Variants in PLCL2 observed in about 807,000 individuals in gnomAD.
PLCL2 encodes phospholipase C like 2.
A neutral mutation model predicts 79.6 loss-of-function variants in PLCL2; 4 were observed. The ratio of observed to expected loss-of-function variants is 0.05; its 90% CI spans 0.02 to 0.11. The LOEUF is 0.11. Ranked by LOEUF, PLCL2 falls within the 10% of genes least tolerant of loss-of-function variation. The pLI, the probability that PLCL2 is intolerant of heterozygous loss-of-function variation, is 1.00. For synonymous variants in PLCL2, 484 were observed against 457.7 expected, an observed-to-expected ratio of 1.06 and a Z score of -0.73; for missense variants, 895 against 1,291.0, an observed-to-expected ratio of 0.69 and a Z score of 4.70.
Position 16,892,578 on chromosome 3 carries a change from A to C in PLCL2, c.327+7212A>C, listed in dbSNP as rs561063543. ...ACATGGTATTCATTGGAAGTGCTAT[A>C]AAATTAATAATTAAAAATAAAATAC... is the stretch of plus-strand genomic sequence containing the variant. On this transcript the variant is annotated intron_variant, in intron 1 of 5. Transcript: ENST00000615277. Among the ~76,000 whole-genome samples, 10 of 152,362 alleles carry C rather than the reference A, an allele frequency of 6.6e-5. No homozygotes were observed. The South Asian group carries it at 1.9e-3, about 28-fold the overall frequency.
intron 1 of PLCL2, among the ~76,000 whole-genome samples, chr3:16,989,679 C>T (rs1006043888): frequency 6.6e-6 from 1 of 151,572 alleles, no homozygotes; most frequent in African/African-American, 2.4e-5. Context: ...ATTGTCTCTG[C>T]TTCCTCCCAA....
At chr3:16,906,434 G>A (rs1013643600) in intron 1 of PLCL2, among the ~76,000 whole-genome samples, 2 of 152,096 alleles carry the variant, frequency 1.3e-5, no homozygotes, top group African/African-American at 4.8e-5. Context: ...TTTTGAATTC[G>A]TTAATGTGGA....
intron 5 of PLCL2, among the ~76,000 whole-genome samples, chr3:17,074,228 T>A (rs545922604): frequency 2.6e-5 from 4 of 152,258 alleles, no homozygotes; most frequent in Non-Finnish European, 5.9e-5. Context: ...GAAAGCAATA[T>A]TAATCTCCTT....
intron 1 of PLCL2, among the ~76,000 whole-genome samples, chr3:16,934,161 G>A (rs868712629): frequency 1.3e-5 from 2 of 152,186 alleles, no homozygotes; most frequent in Non-Finnish European, 2.9e-5. Flanking sequence ...AAAAGGTCAT[G>A]CAATGATAGA....
intron 3 of PLCL2, among the ~76,000 whole-genome samples, chr3:17,017,379 A>C (rs2064396342): frequency 6.6e-6 from 1 of 152,190 alleles, no homozygotes; most frequent in Non-Finnish European, 1.5e-5. Flanking sequence ...AAAATATTTA[A>C]AATTAAATTT....
At chr3:17,013,599 A>G (rs1292718228) in intron 2 of PLCL2, among the ~76,000 whole-genome samples, 1 of 152,230 alleles carries the variant, frequency 6.6e-6, no homozygotes, top group Non-Finnish European at 1.5e-5. Context: ...TGATGTCCAT[A>G]TTTAAAGCAA....
chr3:16,896,485 G>T (rs1208774795), intron 1 of PLCL2, among the ~76,000 whole-genome samples: 1 of 152,186 alleles, frequency 6.6e-6, no homozygotes, highest in Admixed American at 6.5e-5. Context: ...TTTATGATTT[G>T]TTTAGTGTAG....
At chr3:16,907,521 C>G (rs1309519707) in intron 1 of PLCL2, among the ~76,000 whole-genome samples, 1 of 152,198 alleles carries the variant, frequency 6.6e-6, no homozygotes, top group East Asian at 1.9e-4. Flanking sequence ...TTTGTTAACT[C>G]TGTGCTAAGG....
intron 5 of PLCL2, among the ~76,000 whole-genome samples, chr3:17,082,734 G>A (rs1055297386): frequency 6.6e-6 from 1 of 152,068 alleles, no homozygotes; most frequent in Non-Finnish European, 1.5e-5. Context: ...TAAATACCCT[G>A]TCATCATGTG....
chr3:17,045,352 A>G (rs548004507), intron 4 of PLCL2, among the ~76,000 whole-genome samples: 3 of 152,316 alleles, frequency 2.0e-5, no homozygotes, highest in South Asian at 4.1e-4. Flanking sequence ...TCCACCCCCA[A>G]ACACATGTTA....
chr3:16,902,044 G>T (rs567001517), intron 1 of PLCL2, among the ~76,000 whole-genome samples: 2 of 152,110 alleles, frequency 1.3e-5, no homozygotes, highest in Non-Finnish European at 2.9e-5. Context: ...GCTCAGATTT[G>T]CCCTCTGAGC....
intron 1 of PLCL2, among the ~76,000 whole-genome samples, chr3:16,930,554 G>T (rs1415594390): frequency 6.6e-6 from 1 of 152,124 alleles, no homozygotes; most frequent in Non-Finnish European, 1.5e-5. Context: ...AACTCCTAGG[G>T]TTTTACCACA....
intron 1 of PLCL2, among the ~76,000 whole-genome samples, chr3:16,951,506 A>G (rs1455790677): frequency 6.6e-6 from 1 of 151,498 alleles, no homozygotes; most frequent in Admixed American, 6.6e-5. Context: ...CTGTTTCTTG[A>G]TTTCTCATTC....
intron 1 of PLCL2, among the ~76,000 whole-genome samples, chr3:16,934,995 T>G (rs1304881313): frequency 6.6e-6 from 1 of 152,264 alleles, no homozygotes; most frequent in Non-Finnish European, 1.5e-5. Flanking sequence ...ATTTCAATAA[T>G]GTAGTCAAAT....
chr3:16,897,475 C>T (rs969151758), intron 1 of PLCL2, among the ~76,000 whole-genome samples: 1 of 152,042 alleles, frequency 6.6e-6, no homozygotes, highest in Non-Finnish European at 1.5e-5. Context: ...GAAGGAGGAG[C>T]CTCCCTAGGA....
At chr3:16,927,100 T>G (rs1308677164) in intron 1 of PLCL2, among the ~76,000 whole-genome samples, 1 of 152,198 alleles carries the variant, frequency 6.6e-6, no homozygotes, top group Non-Finnish European at 1.5e-5. Context: ...ACAGACTAAT[T>G]TTTTTTATAG....
intron 1 of PLCL2, among the ~76,000 whole-genome samples, chr3:17,006,134 T>G (rs1242885640): frequency 2.6e-5 from 4 of 152,194 alleles, no homozygotes; most frequent in Non-Finnish European, 5.9e-5. Flanking sequence ...ATTATTTAGT[T>G]TAAACTAACT....
At chr3:17,060,360 CAT>C (rs1471245160) in intron 4 of PLCL2, among the ~76,000 whole-genome samples, 1 of 152,152 alleles carries the variant, frequency 6.6e-6, no homozygotes, top group African/African-American at 2.4e-5. Context: ...TTTTCCATCT[CAT>C]GTGGAATGGG....
At chr3:16,893,477 G>A (rs918111481) in intron 1 of PLCL2, among the ~76,000 whole-genome samples, 1 of 152,090 alleles carries the variant, frequency 6.6e-6, no homozygotes, top group Non-Finnish European at 1.5e-5. Flanking sequence ...TTTGGATATT[G>A]CAGATATTAA....
Sources: gnomAD v4.1 joint callset for allele counts (sites outside exome capture counted in the v4.1 genomes callset) on GRCh38, gnomAD v4.1.1 for gene constraint, MANE v1.5 for transcripts, NCBI Gene and HGNC (gene_info 2026-07-23, HGNC 2026-07-21) for gene names.